Variants in STIM2 observed in about 807,000 individuals in gnomAD.
STIM2 encodes stromal interaction molecule 2.
STIM2 carries 31 observed loss-of-function variants against 85.8 expected under a neutral mutation model. The ratio of observed to expected loss-of-function variants is 0.36; its 90% confidence interval spans 0.27 to 0.49. STIM2 has a LOEUF of 0.49. Among genes scored for constraint, STIM2 ranks in the 20% least tolerant of loss-of-function variants. STIM2 has a pLI of 0.98. For missense variants in STIM2, 841 were observed against 927.6 expected (o/e 0.91, Z 1.21); for synonymous variants, 356 against 331.1 (o/e 1.08, Z -0.82).
chr4:26,933,047 A>G (rs1316447023), intron 2 of STIM2, among the ~76,000 whole-genome samples: 1 of 152,204 alleles, frequency 6.6e-6, no homozygotes, highest in East Asian at 1.9e-4. Flanking sequence ...AAAGTAAGGC[A>G]ACAGTGGAAA....
At chr4:26,949,669 C>A (rs1466549855) in intron 2 of STIM2, among the ~76,000 whole-genome samples, 2 of 152,116 alleles carry the variant, frequency 1.3e-5, no homozygotes, top group African/African-American at 2.4e-5. Context: ...ATGCCTCCAT[C>A]TTACTTCAGG....
chr4:26,871,807 G>A (rs1722628563), intron 1 of STIM2, among the ~76,000 whole-genome samples: 1 of 149,608 alleles, frequency 6.7e-6, no homozygotes. Flanking sequence ...GCCCCGCAAA[G>A]TAATTAGATT....
intron 3 of STIM2, among the ~76,000 whole-genome samples, chr4:26,970,190 AGT>A (rs200450215): frequency 9.1e-5 from 8 of 87,526 alleles, no homozygotes; most frequent in East Asian, 4.1e-4. Flanking sequence ...TTTCGGTTTT[AGT>A]GTGTGTGTAT....
At chr4:27,000,699 A>AT (rs1728121836) in intron 5 of STIM2, among the ~76,000 whole-genome samples, 2 of 152,210 alleles carry the variant, frequency 1.3e-5, no homozygotes, top group Non-Finnish European at 2.9e-5. Flanking sequence ...AAAGTTAATG[A>AT]TTTTAAATAT....
chr4:26,877,336 T>G (rs1298291623), intron 1 of STIM2, among the ~76,000 whole-genome samples: 1 of 152,144 alleles, frequency 6.6e-6, no homozygotes, highest in Non-Finnish European at 1.5e-5. Flanking sequence ...AGTTTTCGTA[T>G]CCCTGCTAAA....
intron 8 of STIM2, 70 bp from the exon 9 acceptor site, chr4:27,008,358 T>C (rs1728440387): frequency 1.1e-6 from 1 of 882,848 alleles, no homozygotes; most frequent in South Asian, 2.1e-5. Context: ...CAAACTTTAT[T>C]ATGTTATATA....
rs892653543 is a variant in STIM2 at position 26,996,708 on chromosome 4, T to C, written c.509+1218T>C. The stretch of plus-strand genomic sequence containing the variant: ...AAGAAGACAAAAATCAAATAAAATA[T>C]AGTTATTTTAATTAAAACAAGTTCT... On this transcript the variant is annotated intron_variant, in intron 4 of 11. Coordinates refer to ENST00000467087, the MANE Select transcript of STIM2 (RefSeq NM_020860.4). Among the ~76,000 whole-genome samples the C allele has an allele frequency of 7.2e-5, 11 of 152,252 alleles. No homozygotes were observed. The East Asian group carries it at 2.1e-3, about 29-fold the overall frequency.
At chr4:26,954,424 T>C (rs1009797947) in intron 2 of STIM2, among the ~76,000 whole-genome samples, 2 of 127,182 alleles carry the variant, frequency 1.6e-5, no homozygotes, top group South Asian at 2.4e-4. Flanking sequence ...TCTACATTAT[T>C]TGCCGTACAT....
At chr4:26,969,016 T>C (rs1174728377) in intron 3 of STIM2, among the ~76,000 whole-genome samples, 1 of 152,240 alleles carries the variant, frequency 6.6e-6, no homozygotes, top group Non-Finnish European at 1.5e-5. Context: ...TTGTTTCATG[T>C]CAGCTTTCTT....
intron 5 of STIM2, among the ~76,000 whole-genome samples, chr4:27,001,412 A>T (rs1728149779): frequency 6.6e-6 from 1 of 152,180 alleles, no homozygotes; most frequent in Non-Finnish European, 1.5e-5. Context: ...GGGGGTTAAC[A>T]TCATACCAGT....
intron 1 of STIM2, among the ~76,000 whole-genome samples, chr4:26,880,453 T>C (rs1252142515): frequency 6.6e-6 from 1 of 151,878 alleles, no homozygotes; most frequent in Non-Finnish European, 1.5e-5. Context: ...TAACTTGTTA[T>C]CTGTACTTAT....
At chr4:27,010,412 C>G (rs1728519812) in intron 10 of STIM2, among the ~76,000 whole-genome samples, 1 of 151,998 alleles carries the variant, frequency 6.6e-6, no homozygotes, top group East Asian at 1.9e-4. Context: ...CCACTGCACT[C>G]CAGCCTGAGC....
intron 1 of STIM2, among the ~76,000 whole-genome samples, chr4:26,889,223 A>G (rs567884053): frequency 1.5e-4 from 23 of 152,256 alleles, no homozygotes; most frequent in Non-Finnish European, 2.9e-4. Context: ...TAGAGCATAC[A>G]TAGCCTCATG....
chr4:26,893,593 A>C (rs1723579783), intron 1 of STIM2, among the ~76,000 whole-genome samples: 1 of 152,156 alleles, frequency 6.6e-6, no homozygotes, highest in Admixed American at 6.6e-5. Flanking sequence ...TTTTATGAAC[A>C]GTACTTCTGT....
chr4:26,862,136 A>G (rs984296205), intron 1 of STIM2, among the ~76,000 whole-genome samples: 21 of 152,152 alleles, frequency 1.4e-4, no homozygotes, highest in Admixed American at 5.9e-4. Context: ...TTTTTTTAAT[A>G]TATAGAACGA....
At chr4:26,962,844 TTAAG>T (rs779442121) in intron 3 of STIM2, among the ~76,000 whole-genome samples, 13 of 152,134 alleles carry the variant, frequency 8.5e-5, no homozygotes, top group South Asian at 4.1e-4. Flanking sequence ...AAAAAACTGA[TTAAG>T]TAAGACACTG....
intron 3 of STIM2, among the ~76,000 whole-genome samples, chr4:26,988,484 G>A (rs982454552): frequency 6.6e-6 from 1 of 152,190 alleles, no homozygotes; most frequent in Non-Finnish European, 1.5e-5. Context: ...AAGTATGGCT[G>A]CAAGTATGAC....
Position 26,995,420 on chromosome 4 carries a change from G to C in STIM2, c.439G>C (p.Glu147Gln). 1 of 1,602,368 alleles carries C rather than the reference G, an allele frequency of 6.2e-7. No homozygotes were observed. The highest frequency in any genetic ancestry group is 8.5e-7 in the Non-Finnish European group (1 of 1,174,640). ...TGAAGACACTCTTCAGTGGTTGATA[G>C]AGTTTGTTGAACTACCCCAATATGA... The change falls in exon 4 of 12, where the codon GAG (glutamate) becomes CAG (glutamine). Residue 147 changes from glutamate to glutamine, a missense_variant. Physicochemically the swap from Glu to Gln is conservative, Grantham distance 29 (BLOSUM62 2). Coordinates refer to ENST00000467087, the MANE Select transcript of STIM2 (RefSeq NM_020860.4).
At chr4:26,932,323 C>T (rs1458224607) in intron 2 of STIM2, among the ~76,000 whole-genome samples, 1 of 152,136 alleles carries the variant, frequency 6.6e-6, no homozygotes, top group African/African-American at 2.4e-5. Context: ...GTAATACAAA[C>T]TGTCTCTTAA....
Sources: gnomAD v4.1 joint callset for allele counts (sites outside exome capture counted in the v4.1 genomes callset) on GRCh38, gnomAD v4.1.1 for gene constraint, MANE v1.5 for transcripts, NCBI Gene and HGNC (gene_info 2026-07-23, HGNC 2026-07-21) for gene names.